Variants in CHD2 observed in about 807,000 individuals in gnomAD.
The protein encoded by CHD2 is chromodomain helicase DNA binding protein 2, also known as ATP-dependent chromatin remodeler CHD2.
CHD2 carries 28 observed loss-of-function variants against 243.9 expected under a neutral mutation model. The observed-to-expected ratio is 0.11, with a 90% confidence interval of 0.09 to 0.16. CHD2 has a LOEUF of 0.16. Among genes scored for constraint, CHD2 ranks in the 10% least tolerant of loss-of-function variants. The pLI is 1.00. For synonymous variants in CHD2, 775 were observed against 779.0 expected, an observed-to-expected ratio of 0.99 and a Z score of 0.09; for missense variants, 1,386 against 2,209.8, an observed-to-expected ratio of 0.63 and a Z score of 7.47.
At chr15:93,009,891 G>A (rs1163755904) in intron 35 of CHD2, among the ~76,000 whole-genome samples, 2 of 152,138 alleles carry the variant, frequency 1.3e-5, no homozygotes, top group African/African-American at 4.8e-5. Context: ...TTTTTTAAAA[G>A]ATTTCAATAG....
Position 92,939,723 on chromosome 15 carries a change from G to C in CHD2, c.692+5G>C, listed in dbSNP as rs183427060. On this transcript the variant is annotated splice_donor_5th_base_variant and intron_variant, in intron 7 of 38. Transcript: ENST00000394196. ...AAGAGCGGCTAAAAACGTTAGGTAA[G>C]TTGTACCCCAGAAGTGTTTCACTGG... is the stretch of plus-strand genomic sequence containing the variant. The C allele has an allele frequency of 1.2e-6, 2 of 1,612,506 alleles. No individual in the cohort carries two copies. The highest frequency in any genetic ancestry group is 2.2e-5 in the East Asian group (1 of 44,874).
intron 16 of CHD2, among the ~76,000 whole-genome samples, chr15:92,958,792 A>G (rs2053647883): frequency 6.6e-6 from 1 of 150,778 alleles, no homozygotes; most frequent in Non-Finnish European, 1.5e-5. Context: ...GATAAATTAC[A>G]TGAGATATTC....
At chr15:92,918,822 T>C (rs1289382193) in intron 2 of CHD2, among the ~76,000 whole-genome samples, 2 of 151,420 alleles carry the variant, frequency 1.3e-5, no homozygotes, top group African/African-American at 2.4e-5. Context: ...TATACACATA[T>C]ACATATATAT....
At position 92,924,256 on chromosome 15, in the gene CHD2, T is replaced by C. The variant is rs1051284586; in HGVS notation, c.63-65T>C. 2.1e-6 allele frequency: 3 copies of C among 1,432,346 alleles called. No individual in the cohort carries two copies. In the African/African-American group the frequency reaches 4.3e-5, roughly 20 times the overall value. The allele number at this position is 1,432,346 out of a possible 1,614,324, so 88.7% of individuals were successfully genotyped here. A position where few individuals can be genotyped will look rare whatever the true frequency, so the allele number is the denominator to read the frequency against. ...TGCAAATGTTTTACCATGAGAATTTTTTTTTAAGCAGATTCATGTGTCAGT... is the reference window on the plus strand; with the variant it reads ...TGCAAATGTTTTACCATGAGAATTTCTTTTTAAGCAGATTCATGTGTCAGT... On this transcript the variant is annotated intron_variant, in intron 2 of 38. Coordinates refer to ENST00000394196, the MANE Select transcript of CHD2 (RefSeq NM_001271.4).
At chr15:92,975,250 C>T (rs190406704) in intron 20 of CHD2, among the ~76,000 whole-genome samples, 18 of 152,148 alleles carry the variant, frequency 1.2e-4, no homozygotes, top group Non-Finnish European at 2.2e-4. Context: ...GAGAGTTGGG[C>T]AATAGAATTA....
chr15:92,996,849 G>A (rs2054194999), intron 28 of CHD2, 108 bp from the exon 29 acceptor site: 1 of 1,079,264 alleles, frequency 9.3e-7, no homozygotes, highest in South Asian at 1.8e-5. Flanking sequence ...ATAACAATAA[G>A]CCAGAGATAT....
Position 92,920,325 on chromosome 15 carries a change from CAG to C in CHD2, c.63-3992_63-3991del, listed in dbSNP as rs142339746. On this transcript the variant is annotated intron_variant, in intron 2 of 38. Coordinates refer to ENST00000394196, the MANE Select transcript of CHD2 (RefSeq NM_001271.4). ...CTACTCAGAAATATGGAAAGTGTAT[CAG>C]AGATATTTGCAACTTATTGATTAAG... is the stretch of plus-strand genomic sequence containing the variant. 5.7e-3 allele frequency among the ~76,000 whole-genome samples: 866 copies of C among 152,218 alleles called. 9 individuals carry two copies. Among genetic ancestry groups the C allele is most frequent in the African/African-American group, 0.02 (833 of 41,528 alleles).
chr15:92,988,895 C>CT (rs534727848), intron 26 of CHD2, among the ~76,000 whole-genome samples: 33 of 151,900 alleles, frequency 2.2e-4, no homozygotes, highest in East Asian at 1.5e-3. Context: ...TCTAGGCAGA[C>CT]TTTTTTTAAC....
intron 13 of CHD2, among the ~76,000 whole-genome samples, chr15:92,952,619 C>T (rs2053568018): frequency 6.6e-6 from 1 of 152,178 alleles, no homozygotes; most frequent in African/African-American, 2.4e-5. Flanking sequence ...AGGCGGAGCT[C>T]AGGCACTAAT....
chr15:92,991,632 G>T, intron 27 of CHD2, 115 bp downstream of exon 27: 1 of 654,822 alleles, frequency 1.5e-6, no homozygotes, highest in South Asian at 2.3e-5. Context: ...TTTTTTTTCT[G>T]GAAACATTTA....
chr15:92,982,678 G>A (rs574243516), intron 24 of CHD2, among the ~76,000 whole-genome samples: 1 of 152,134 alleles, frequency 6.6e-6, no homozygotes, highest in East Asian at 1.9e-4. Flanking sequence ...GGATTGAATT[G>A]AATTAGGGGA....
chr15:92,966,778 G>A (rs1454837680), intron 16 of CHD2, among the ~76,000 whole-genome samples: 4 of 152,002 alleles, frequency 2.6e-5, no homozygotes, highest in Admixed American at 2.0e-4. Context: ...GGGTGTGGTG[G>A]TGGCACCTGT....
intron 15 of CHD2, 81 bp from the exon 16 acceptor site, chr15:92,956,378 A>G (rs1202542905): frequency 1.0e-6 from 1 of 966,368 alleles, no homozygotes; most frequent in South Asian, 1.4e-5. Context: ...AATGGTATTT[A>G]TACAGAGATA....
rs758357386 is a variant in CHD2 at position 93,014,671 on chromosome 15, T to G, written c.4693-25T>G. Reference sequence around the variant, plus strand: ...GGAATTAAGCCTGGGATCTTGAGCTTCTTTGGTTTCCTTTTACTCTTTAGG... The same window carrying G: ...GGAATTAAGCCTGGGATCTTGAGCTGCTTTGGTTTCCTTTTACTCTTTAGG... On this transcript the variant is annotated intron_variant, in intron 36 of 38. Coordinates refer to ENST00000394196, the MANE Select transcript of CHD2 (RefSeq NM_001271.4). The G allele has an allele frequency of 2.5e-5, 40 of 1,605,252 alleles. No individual in the cohort carries two copies. In the Admixed American group the frequency reaches 5.6e-4, roughly 22 times the overall value.
chr15:93,016,382 C>T (rs1277677519), intron 37 of CHD2, among the ~76,000 whole-genome samples: 5 of 151,958 alleles, frequency 3.3e-5, no homozygotes, highest in Admixed American at 3.3e-4. Context: ...ATATTAACAA[C>T]GGAGATAAAA....
intron 19 of CHD2, 37 bp downstream of exon 19, chr15:92,972,454 ATC>A (rs766400915): frequency 1.3e-5 from 20 of 1,541,742 alleles, no homozygotes; most frequent in Admixed American, 8.2e-5. Context: ...GGGGGAATCA[ATC>A]TCTCTCTCCG....
At chr15:92,942,739 G>A (rs1289800189) in intron 8 of CHD2, 104 bp from the exon 9 acceptor site, 3 of 766,752 alleles carry the variant, frequency 3.9e-6, no homozygotes, top group South Asian at 2.3e-5. Flanking sequence ...AAGTATTTTG[G>A]TGCTTCATCC....
rs1181233385 is a variant in CHD2, at chr15:92,946,150, C to A, written c.1311C>A (p.Phe437Leu). The A allele has an allele frequency of 6.2e-7, 1 of 1,613,556 alleles. No individual in the cohort carries two copies. Residue 437 changes from phenylalanine (F) to leucine (L), a missense_variant, in exon 12 of 39, where the codon TTC becomes TTA. By Grantham distance (22) the Phe-to-Leu change is conservative (BLOSUM62 0). Transcript: ENST00000394196. ...ATGAAGCCCTCATTGGAAAGAAATT[C>A]CAGAATTGCATTGACAGCTTCCACA... ...WEDEALIGKK[F>L]QNCIDSFHSR...
chr15:92,939,557 T>C (rs1273876173), intron 6 of CHD2, 21 bp from the exon 7 acceptor site: 7 of 1,606,858 alleles, frequency 4.4e-6, no homozygotes, highest in Non-Finnish European at 5.9e-6. Context: ...ACTTAGCCTT[T>C]TGTTTCTCTT....
Sources: gnomAD v4.1 joint callset for allele counts (sites outside exome capture counted in the v4.1 genomes callset) on GRCh38, gnomAD v4.1.1 for gene constraint, MANE v1.5 for transcripts, NCBI Gene and HGNC (gene_info 2026-07-23, HGNC 2026-07-21) for gene names.